Variants in THSD7B observed in about 807,000 individuals in gnomAD.
The protein encoded by THSD7B is thrombospondin type 1 domain containing 7B, also known as thrombospondin type-1 domain-containing protein 7B.
THSD7B carries 138 observed loss-of-function variants against 213.6 expected under a neutral mutation model. That is an observed-to-expected ratio of 0.65 (90% CI 0.56 to 0.74). The LOEUF (loss-of-function observed/expected upper bound fraction) is 0.74. THSD7B is among the 30% of genes least tolerant of loss of function. THSD7B has a pLI of 0.00. For missense variants in THSD7B, 1,931 were observed against 1,991.5 expected (o/e 0.97, Z 0.58); for synonymous variants, 742 against 687.0 (o/e 1.08, Z -1.25).
chr2:137,030,557 T>G (rs1200801702), intron 2 of THSD7B, among the ~76,000 whole-genome samples: 1 of 152,134 alleles, frequency 6.6e-6, no homozygotes, highest in African/African-American at 2.4e-5. Flanking sequence ...TTAGTGATAA[T>G]GTATTTTAAG....
intron 2 of THSD7B, among the ~76,000 whole-genome samples, chr2:137,050,355 C>T (rs773585311): frequency 2.0e-5 from 3 of 152,242 alleles, no homozygotes; most frequent in East Asian, 1.9e-4. Flanking sequence ...GCTTTGCTGT[C>T]GAGCTACTTC....
intron 2 of THSD7B, among the ~76,000 whole-genome samples, chr2:136,975,321 T>TTTA (rs1685462902): frequency 1.3e-5 from 2 of 152,198 alleles, no homozygotes; most frequent in Non-Finnish European, 2.9e-5. Context: ...TAGGGTTTTA[T>TTTA]AGTTTTGGGC....
chr2:137,057,496 A>G (rs17727536), intron 3 of THSD7B, among the ~76,000 whole-genome samples: 8,376 of 152,256 alleles, frequency 0.055, 305 homozygotes, highest in Non-Finnish European at 0.085. Flanking sequence ...ACATTTTATC[A>G]AGACAGTAAC....
chr2:137,494,749 A>G (rs920178532), intron 15 of THSD7B, among the ~76,000 whole-genome samples: 8 of 152,136 alleles, frequency 5.3e-5, no homozygotes, highest in African/African-American at 1.7e-4. Context: ...TGACTTTGTA[A>G]CCATGGCCCT....
chr2:136,777,694 A>T (rs955374609), intron 1 of THSD7B, among the ~76,000 whole-genome samples: 1 of 152,216 alleles, frequency 6.6e-6, no homozygotes, highest in Non-Finnish European at 1.5e-5. Context: ...TGGACTAAAC[A>T]TAAAATGAAA....
intron 7 of THSD7B, among the ~76,000 whole-genome samples, chr2:137,211,597 G>A (rs1022605026): frequency 3.3e-5 from 5 of 151,588 alleles, no homozygotes; most frequent in African/African-American, 1.2e-4. Flanking sequence ...AGGATGACAT[G>A]TGGTTAATGG....
intron 16 of THSD7B, among the ~76,000 whole-genome samples, chr2:137,572,027 A>C (rs1010503579): frequency 3.3e-5 from 5 of 151,564 alleles, no homozygotes; most frequent in African/African-American, 9.8e-5. Context: ...AAAGTGATGG[A>C]TTTATTCAGA....
intron 12 of THSD7B, among the ~76,000 whole-genome samples, chr2:137,325,300 T>G (rs887137299): frequency 7.2e-5 from 11 of 152,196 alleles, no homozygotes; most frequent in Admixed American, 2.0e-4. Flanking sequence ...CACTTTGACT[T>G]ACTTTTCAGC....
chr2:137,125,958 CTT>C (rs968912492), intron 5 of THSD7B, among the ~76,000 whole-genome samples: 3 of 152,246 alleles, frequency 2.0e-5, no homozygotes, highest in Admixed American at 1.3e-4. Context: ...AAGGGAATCT[CTT>C]TTGTTTTCTG....
intron 16 of THSD7B, among the ~76,000 whole-genome samples, chr2:137,564,997 T>C (rs1335616915): frequency 1.3e-5 from 2 of 152,112 alleles, no homozygotes; most frequent in Non-Finnish European, 2.9e-5. Flanking sequence ...GTGTGGGCCC[T>C]AATCCATTCT....
At chr2:137,072,366 G>A in intron 3 of THSD7B, among the ~76,000 whole-genome samples, 1 of 151,954 alleles carries the variant, frequency 6.6e-6, no homozygotes, top group Non-Finnish European at 1.5e-5. Flanking sequence ...TCTCTTTGAA[G>A]CAGTTGTGAA....
intron 12 of THSD7B, among the ~76,000 whole-genome samples, chr2:137,345,271 G>A (rs533976198): frequency 2.9e-4 from 44 of 151,744 alleles, no homozygotes; most frequent in African/African-American, 9.9e-4. Flanking sequence ...GGTTAATCGA[G>A]GAAGTACATT....
intron 15 of THSD7B, among the ~76,000 whole-genome samples, chr2:137,517,009 G>A (rs1426262373): frequency 6.6e-6 from 1 of 152,162 alleles, no homozygotes; most frequent in East Asian, 1.9e-4. Context: ...TTAACCAAGT[G>A]GTGACTCCAA....
At chr2:137,034,490 A>G (rs556340544) in intron 2 of THSD7B, among the ~76,000 whole-genome samples, 48 of 152,254 alleles carry the variant, frequency 3.2e-4, no homozygotes, top group Non-Finnish European at 2.9e-4. Flanking sequence ...ATAGGTATAC[A>G]TGGGCCGAAG....
chr2:137,630,510 T>C (rs912377542), intron 20 of THSD7B, among the ~76,000 whole-genome samples: 1 of 152,206 alleles, frequency 6.6e-6, no homozygotes, highest in African/African-American at 2.4e-5. Flanking sequence ...CTGTGGTAGA[T>C]AGTAATATTA....
intron 15 of THSD7B, among the ~76,000 whole-genome samples, chr2:137,490,770 G>A (rs567610699): frequency 6.6e-6 from 1 of 152,184 alleles, no homozygotes; most frequent in Non-Finnish European, 1.5e-5. Flanking sequence ...AGGGTCTGAG[G>A]GTCCCAGGGA....
chr2:137,486,713 C>G (rs542199160), intron 15 of THSD7B, among the ~76,000 whole-genome samples: 1 of 152,284 alleles, frequency 6.6e-6, no homozygotes, highest in South Asian at 2.1e-4. Context: ...CCACACCACA[C>G]CTATTCCAAA....
intron 10 of THSD7B, among the ~76,000 whole-genome samples, chr2:137,245,534 T>C (rs1170144240): frequency 6.6e-6 from 1 of 152,160 alleles, no homozygotes; most frequent in East Asian, 1.9e-4. Context: ...ACCAGACTAC[T>C]GTAGACTCCC....
intron 7 of THSD7B, among the ~76,000 whole-genome samples, chr2:137,210,653 A>G (rs751993280): frequency 1.3e-5 from 2 of 152,166 alleles, no homozygotes; most frequent in Non-Finnish European, 2.9e-5. Flanking sequence ...CGTTTGATGT[A>G]TAGTAATACA....
Sources: gnomAD v4.1 joint callset for allele counts (sites outside exome capture counted in the v4.1 genomes callset) on GRCh38, gnomAD v4.1.1 for gene constraint, MANE v1.5 for transcripts, NCBI Gene and HGNC (gene_info 2026-07-23, HGNC 2026-07-21) for gene names.